Variants in DCAF15 observed in about 807,000 individuals in gnomAD.
The protein encoded by DCAF15 is DDB1- and CUL4-associated factor 15.
A neutral mutation model predicts 68.0 loss-of-function variants in DCAF15; 24 were observed. The ratio of observed to expected loss-of-function variants is 0.35; its 90% confidence interval spans 0.26 to 0.50. The LOEUF (loss-of-function observed/expected upper bound fraction) is 0.50. Ranked by LOEUF, DCAF15 falls within the 20% of genes least tolerant of loss-of-function variation. The probability of loss-of-function intolerance (pLI) is 0.98; values close to 1 mark genes in which losing one functional copy is unlikely to be tolerated. For synonymous variants in DCAF15, 376 were observed against 341.6 expected, an observed-to-expected ratio of 1.10 and a Z score of -1.11; for missense variants, 627 against 830.6, an observed-to-expected ratio of 0.75 and a Z score of 3.01.
At chr19:13,960,720 C>CTTTCAGGG in intron 12 of DCAF15, 140 bp downstream of exon 12, 4 of 1,029,120 alleles carry the variant, frequency 3.9e-6, no homozygotes, top group Non-Finnish European at 5.7e-6. Context: ...GCTCAGCAGC[C>CTTTCAGGG]CTGAAAGTGT....
intron 10 of DCAF15, 90 bp downstream of exon 10, chr19:13,960,159 C>A: frequency 6.3e-7 from 1 of 1,576,586 alleles, no homozygotes; most frequent in Non-Finnish European, 8.7e-7. Context: ...AGAAGGCTCT[C>A]CCTGTGCCAC....
Position 13,959,077 on chromosome 19 carries a change from C to G in DCAF15, c.817C>G (p.His273Asp), listed in dbSNP as rs776009027. 2 of 1,611,870 alleles carry G rather than the reference C, an allele frequency of 1.2e-6. No individual in the cohort carries two copies. Among genetic ancestry groups the G allele is most frequent in the African/African-American group, 1.3e-5 (1 of 74,884 alleles). The change falls in exon 7 of 13, where the codon CAC becomes GAC. Residue 273 changes from histidine (H) to aspartate (D), a missense_variant. His to Asp is a moderately conservative substitution (Grantham distance 81). Around this residue, in one of 3 missense-constraint regions of DCAF15, gnomAD observed 273 missense variants for 393.7 expected, o/e 0.69. Coordinates refer to ENST00000254337, the MANE Select transcript of DCAF15 (RefSeq NM_138353.4). ...GAGTTTCTGCCAAATCCTGTATGAC[C>G]ACAGCACCTGCCCCCTGGCGCCTGC... ...DRSFCQILYDHSTCPLAPASP... is the reference protein window; with the variant it reads ...DRSFCQILYDDSTCPLAPASP...
rs749787110 is a variant in DCAF15 at position 13,959,241 on chromosome 19, C to A, written c.981C>A (p.Ile327=). 1.2e-6 allele frequency: 2 copies of A among 1,612,800 alleles called. No homozygotes were observed. The part of the protein sequence containing the change: ...IAKAKEFVAD[I]FRRAKEAKGG... Reference sequence around the variant, plus strand: ...AAGCCAAGGAGTTTGTGGCTGACATCTTCCGCCGGGCCAAAGAGGCCAAGG... The same window carrying A: ...AAGCCAAGGAGTTTGTGGCTGACATATTCCGCCGGGCCAAAGAGGCCAAGG... The change falls in exon 7 of 13, where the codon ATC becomes ATA. Residue 327 remains isoleucine (I), a synonymous_variant. Transcript: ENST00000254337.
chr19:13,957,456 G>C (rs1426296508), intron 6 of DCAF15, among the ~76,000 whole-genome samples: 1 of 152,186 alleles, frequency 6.6e-6, no homozygotes, highest in African/African-American at 2.4e-5. Flanking sequence ...CCCTCCCTGG[G>C]GATTGGGGAG....
Position 13,959,162 on chromosome 19 carries a change from A to AGGC in DCAF15, c.906_908dup (p.Ala303dup), listed in dbSNP as rs1973484634. On this transcript the variant is annotated inframe_insertion, in exon 7 of 13. Coordinates refer to ENST00000254337, the MANE Select transcript of DCAF15 (RefSeq NM_138353.4). ...CCTGCCCTCCCCAGCTTCTGCCCTG[A>AGGC]GGCGGCCCCAGCCCGTTCTTCTGGG... The AGGC allele has an allele frequency of 1.9e-6, 3 of 1,612,300 alleles. No homozygotes were observed. The South Asian group carries it at 3.3e-5, about 18-fold the overall frequency.
Position 13,961,062 on chromosome 19 carries a change from G to T in DCAF15, c.*67G>T. The T allele has an allele frequency of 6.3e-7, 1 of 1,599,098 alleles. No individual in the cohort carries two copies. ...GCCTGGGACCGGCCCCCTTCCTGGG[G>T]TGGCCTCTTCCTGGCCGGCTGGCCC... On this transcript the variant is annotated 3_prime_UTR_variant, in exon 13 of 13. Coordinates refer to ENST00000254337, the MANE Select transcript of DCAF15 (RefSeq NM_138353.4).
In DCAF15 at chr19:13,956,376, G is replaced by T; in HGVS notation, c.638G>T (p.Arg213Leu). ...HPGDPNAQCL[R>L]HGFMLHTKYQ... ...GGAGACCCGAATGCACAGTGCCTAC[G>T]GCATGGCTTCATGCTGCACACCAAG... Residue 213 changes from arginine to leucine, a missense_variant, in exon 6 of 13, where the codon CGG (arginine) becomes CTG (leucine). Transcript: ENST00000254337. The T allele has an allele frequency of 6.2e-7, 1 of 1,613,758 alleles. No homozygotes were observed. The highest frequency in any genetic ancestry group is 8.5e-7 in the Non-Finnish European group (1 of 1,180,006).
At chr19:13,957,586 A>G (rs997119983) in intron 6 of DCAF15, among the ~76,000 whole-genome samples, 2 of 152,208 alleles carry the variant, frequency 1.3e-5, no homozygotes, top group African/African-American at 4.8e-5. Context: ...CAAGGAATCT[A>G]TAACTGGAAC....
In DCAF15 at chr19:13,954,487, C is replaced by T. The variant is rs115123326; in HGVS notation, c.231-39C>T. ...GGCAGGTGGGCGGGAGTGGTGGGCTCGCCCTGACCTGGCCGCTGTGCCCCC... is the reference window on the plus strand; with the variant it reads ...GGCAGGTGGGCGGGAGTGGTGGGCTTGCCCTGACCTGGCCGCTGTGCCCCC... On this transcript the variant is annotated intron_variant, in intron 2 of 12. Coordinates refer to ENST00000254337, the MANE Select transcript of DCAF15 (RefSeq NM_138353.4). 2,038 of 1,613,928 alleles carry T rather than the reference C, an allele frequency of 1.3e-3. 21 individuals are homozygous for T. The African/African-American group carries it at 0.023, about 18-fold the overall frequency.
chr19:13,952,876 G>A (rs901084532), intron 1 of DCAF15, among the ~76,000 whole-genome samples: 224 of 150,342 alleles, frequency 1.5e-3, no homozygotes, highest in Non-Finnish European at 2.5e-3. Flanking sequence ...GGGCTGGGAT[G>A]GAGGGGGTTG....
intron 10 of DCAF15, 84 bp from the exon 11 acceptor site, chr19:13,960,203 G>A (rs1973557175): frequency 6.4e-7 from 1 of 1,570,158 alleles, no homozygotes; most frequent in African/African-American, 1.4e-5. Flanking sequence ...CTGTTCCAAA[G>A]ACAAAAGGCC....
intron 1 of DCAF15, 23 bp downstream of exon 1, chr19:13,952,667 G>C (rs772355191): frequency 7.7e-7 from 1 of 1,293,980 alleles, no homozygotes; most frequent in African/African-American, 1.6e-5. Context: ...GCCGGAGTGG[G>C]GAGCGCGCCG....
At position 13,959,306 on chromosome 19, in the gene DCAF15, G is replaced by T; in HGVS notation, c.1046G>T (p.Gly349Val). The change falls in exon 7 of 13, where the codon GGA (glycine) becomes GTA (valine). Residue 349 changes from glycine to valine, a missense_variant. Around this residue, in one of 3 missense-constraint regions of DCAF15, gnomAD observed 236 missense variants for 225.1 expected, o/e 1.05. Coordinates refer to ENST00000254337, the MANE Select transcript of DCAF15 (RefSeq NM_138353.4). ...PEEARPALCPGPSGSRCRAHS... is the reference protein window; with the variant it reads ...PEEARPALCPVPSGSRCRAHS... ...GAAGCCCGGCCTGCCCTGTGCCCAG[G>T]ACCCTCTGGCAGCCGCTGCCGTGCG... is the stretch of plus-strand genomic sequence containing the variant. 1 of 1,608,650 alleles carries T rather than the reference G, an allele frequency of 6.2e-7. No homozygotes were observed. The highest frequency in any genetic ancestry group is 8.5e-7 in the Non-Finnish European group (1 of 1,179,738).
chr19:13,961,034 G>C lies in DCAF15; in HGVS notation c.*39G>C, dbSNP rs761479054. 2 of 1,612,038 alleles carry C rather than the reference G, an allele frequency of 1.2e-6. No individual in the cohort carries two copies. The highest frequency in any genetic ancestry group is 1.7e-6 in the Non-Finnish European group (2 of 1,179,820). The stretch of plus-strand genomic sequence containing the variant: ...CCGGACACTGACTCCAACTACCTCC[G>C]TGGCCTGGGACCGGCCCCCTTCCTG... On this transcript the variant is annotated 3_prime_UTR_variant, in exon 13 of 13. Coordinates refer to ENST00000254337, the MANE Select transcript of DCAF15 (RefSeq NM_138353.4).
chr19:13,959,876 A>G lies in DCAF15; in HGVS notation c.1421A>G (p.Tyr474Cys). Residue 474 changes from tyrosine (Y) to cysteine (C), a missense_variant, in exon 9 of 13, where the codon TAT becomes TGT. Transcript: ENST00000254337. ...WGHQFCSFSD[Y>C]DIVILEVCPE... ...CATCAGTTCTGTTCTTTCAGCGACT[A>G]TGACATCGTCATTCTGGAGGTGGGC... is the stretch of plus-strand genomic sequence containing the variant. 2 of 997,922 alleles carry G rather than the reference A, an allele frequency of 2.0e-6. No individual in the cohort carries two copies. The highest frequency in any genetic ancestry group is 1.4e-6 in the Non-Finnish European group (1 of 707,974). The allele number at this position is 997,922 out of a possible 1,614,324, so 61.8% of individuals were successfully genotyped here. A position where few individuals can be genotyped will look rare whatever the true frequency, so the allele number is the denominator to read the frequency against.
In DCAF15 at chr19:13,956,246, C is replaced by G. The variant is rs1973357033; in HGVS notation, c.597C>G (p.Ala199=). The G allele has an allele frequency of 1.2e-6, 2 of 1,612,402 alleles. No homozygotes were observed. The highest frequency in any genetic ancestry group is 1.7e-6 in the Non-Finnish European group (2 of 1,179,798). ...PPGRCAACQD[A]SRAHPGDPNA... is the part of the protein sequence containing the mutation. Reference sequence around the variant, plus strand: ...GCCGCTGTGCTGCTTGCCAGGATGCCAGCCGAGCCCACCCAGGTGAGGGGG... The same window carrying G: ...GCCGCTGTGCTGCTTGCCAGGATGCGAGCCGAGCCCACCCAGGTGAGGGGG... The change falls in exon 5 of 13, where the codon GCC becomes GCG. Residue 199 remains alanine, a synonymous_variant. Coordinates refer to ENST00000254337, the MANE Select transcript of DCAF15 (RefSeq NM_138353.4).
intron 12 of DCAF15, among the ~76,000 whole-genome samples, 165 bp downstream of exon 12, chr19:13,960,745 T>C (rs1011535450): frequency 2.0e-5 from 3 of 152,150 alleles, no homozygotes; most frequent in African/African-American, 4.8e-5. Context: ...CCTGGGAGCC[T>C]CCCACCAGTC....
chr19:13,961,181 G>A lies in DCAF15; in HGVS notation c.*186G>A, dbSNP rs982166758. 1.5e-6 allele frequency: 1 copy of A among 679,432 alleles called. No individual in the cohort carries two copies. The highest frequency in any genetic ancestry group is 2.5e-6 in the Non-Finnish European group (1 of 403,196). 42.1% of individuals were successfully genotyped at this position (679,432 alleles called of 1,614,324 possible). ...GAGGGTCTGGACGCTTTTTATTTAT[G>A]CCTATTTAAGTTGGGAAGGGGCAGA... On this transcript the variant is annotated 3_prime_UTR_variant, in exon 13 of 13. Transcript: ENST00000254337.
At position 13,959,859 on chromosome 19, in the gene DCAF15, C is replaced by T. The variant is rs1973529106; in HGVS notation, c.1404C>T (p.Phe468=). Residue 468 remains phenylalanine, a synonymous_variant, in exon 9 of 13, where the codon TTC becomes TTT. Transcript: ENST00000254337. ...ACGACGCTACCTGGGGCCATCAGTT[C>T]TGTTCTTTCAGCGACTATGACATCG... The part of the protein sequence containing the change: ...IRHDATWGHQ[F]CSFSDYDIVI... 1.4e-6 allele frequency: 2 copies of T among 1,478,052 alleles called. No homozygotes were observed. The highest frequency in any genetic ancestry group is 3.2e-5 in the African/African-American group (2 of 63,116). The allele number at this position is 1,478,052 out of a possible 1,614,324, so 91.6% of individuals were successfully genotyped here.
Sources: allele counts gnomAD v4.1 joint callset (sites outside exome capture counted in the v4.1 genomes callset), GRCh38; gene constraint gnomAD v4.1.1; regional missense constraint gnomAD v4.1.1; transcripts MANE v1.5; gene names NCBI Gene and HGNC (gene_info 2026-07-23, HGNC 2026-07-21).